The following FASTKD1 variants were observed in gnomAD, a reference collection of about 807,000 sequenced individuals.
FASTKD1 encodes FAST kinase domain-containing protein 1, mitochondrial.
Under a neutral mutation model 90.9 loss-of-function variants are expected in FASTKD1, and 94 were observed. The ratio of observed to expected loss-of-function variants is 1.03; its 90% confidence interval spans 0.88 to 1.23. The LOEUF is 1.23. FASTKD1 is among the 50% of genes most tolerant of loss of function. The pLI, the probability that FASTKD1 is intolerant of heterozygous loss-of-function variation, is 0.00. For synonymous variants in FASTKD1, 319 were observed against 345.8 expected, an observed-to-expected ratio of 0.92 and a Z score of 0.86; for missense variants, 945 against 993.5, an observed-to-expected ratio of 0.95 and a Z score of 0.66.
intron 3 of FASTKD1, among the ~76,000 whole-genome samples, chr2:169,565,005 AGTGCAATGGCGCGATCTCGGTT>A (rs1683893827): frequency 2.3e-5 from 3 of 129,018 alleles, no homozygotes; most frequent in African/African-American, 9.1e-5. Context: ...CCCAGGCTGG[AGTGCAATGGCGCGATCTCGGTT>A]CACTGCAACC....
At chr2:169,554,503 A>C (rs887943844) in intron 7 of FASTKD1, among the ~76,000 whole-genome samples, 1 of 113,334 alleles carries the variant, frequency 8.8e-6, no homozygotes, top group African/African-American at 3.0e-5. Context: ...ATCTCTACTA[A>C]AATTACAAAA....
At chr2:169,558,639 C>T (rs925934887) in intron 5 of FASTKD1, among the ~76,000 whole-genome samples, 5 of 151,796 alleles carry the variant, frequency 3.3e-5, no homozygotes, top group South Asian at 2.1e-4. Context: ...TTACTAGAAA[C>T]GGGGTTTCAC....
chr2:169,569,258 TA>T lies in FASTKD1; in HGVS notation c.378-7del, dbSNP rs1684129612. On this transcript the variant is annotated splice_region_variant and splice_polypyrimidine_tract_variant and intron_variant, in intron 2 of 14. Transcript: ENST00000453153. ...CATGGGCCTCACCAGCAAACCTTAA[TA>T]AAAAAGAAAGAATCCTCCATACATA... The T allele has an allele frequency of 6.2e-7, 1 of 1,613,268 alleles. No individual in the cohort carries two copies. Among genetic ancestry groups the T allele is most frequent in the Admixed American group, 1.7e-5 (1 of 59,942 alleles).
intron 7 of FASTKD1, among the ~76,000 whole-genome samples, chr2:169,552,992 A>C (rs1436169221): frequency 1.3e-5 from 2 of 152,086 alleles, no homozygotes; most frequent in African/African-American, 4.8e-5. Flanking sequence ...GGATCACTTG[A>C]GGTCAGGAGA....
intron 2 of FASTKD1, among the ~76,000 whole-genome samples, chr2:169,570,257 CCTTCATTCAGGGAACCCAG>C (rs1395231145): frequency 3.7e-4 from 56 of 152,160 alleles, no homozygotes; most frequent in Non-Finnish European, 6.8e-4. Flanking sequence ...ACTGCTGAAG[CCTTCATTCAGGGAACCCAG>C]TTCTTTTGAA....
chr2:169,546,437 G>C lies in FASTKD1; in HGVS notation c.1482C>G (p.Ser494Arg), dbSNP rs544410704. The part of the protein sequence containing the change: ...DHYGRQRLQH[S>R]NSLDLLRKEL... ...CCTTCCGTAACAGATCCAAACTGTT[G>C]CTGTGTTGTAGTCTCTGACGACCAT... is the stretch of plus-strand genomic sequence containing the variant. Residue 494 changes from serine to arginine, a missense_variant, in exon 8 of 15, where the codon AGC becomes AGG. By Grantham distance (110) the Ser-to-Arg change is moderately radical. Coordinates refer to ENST00000453153, the MANE Select transcript of FASTKD1 (RefSeq NM_024622.6). The C allele has an allele frequency of 1.2e-6, 2 of 1,613,996 alleles. No individual in the cohort carries two copies. Among genetic ancestry groups the C allele is most frequent in the African/African-American group, 1.3e-5 (1 of 74,912 alleles).
At chr2:169,568,835 C>T (rs1353861244) in intron 3 of FASTKD1, among the ~76,000 whole-genome samples, 1 of 151,562 alleles carries the variant, frequency 6.6e-6, no homozygotes, top group Non-Finnish European at 1.5e-5. Context: ...CCCATCTCTA[C>T]TAAAAATACA....
In FASTKD1 at chr2:169,563,235, G is replaced by A. The variant is rs1393538852; in HGVS notation, c.562C>T (p.Gln188Ter). 6.2e-7 allele frequency: 1 copy of A among 1,610,602 alleles called. No individual in the cohort carries two copies. The highest frequency in any genetic ancestry group is 8.5e-7 in the Non-Finnish European group (1 of 1,179,190). The change falls in exon 4 of 15, where the codon CAG becomes TAG. Residue 188 changes from glutamine to a stop codon, truncating the protein, a stop_gained. Coordinates refer to ENST00000453153, the MANE Select transcript of FASTKD1 (RefSeq NM_024622.6). LOFTEE classifies it high-confidence loss of function. ...CCTAAATAAATTTACCTTAAGTCCT[G>A]TGTGGTTTCCAAGTTCCTATGAACA... ...DIVHRNLETT[Q>*]DLSSLSVLMV...
At chr2:169,548,624 G>A (rs1174263810) in intron 7 of FASTKD1, among the ~76,000 whole-genome samples, 2 of 150,272 alleles carry the variant, frequency 1.3e-5, no homozygotes, top group African/African-American at 4.9e-5. Context: ...CCTAGCTACT[G>A]GGGAGGCTAA....
chr2:169,551,829 T>C (rs1178405007), intron 7 of FASTKD1, among the ~76,000 whole-genome samples: 2 of 152,162 alleles, frequency 1.3e-5, no homozygotes, highest in Non-Finnish European at 2.9e-5. Flanking sequence ...ATTCCATTTA[T>C]ATAAAGTATA....
intron 7 of FASTKD1, among the ~76,000 whole-genome samples, chr2:169,552,432 C>T (rs78047638): frequency 2.0e-5 from 3 of 152,204 alleles, no homozygotes; most frequent in Non-Finnish European, 2.9e-5. Context: ...TGTATGTTTA[C>T]AGCAGCACAA....
intron 1 of FASTKD1, chr2:169,573,190 A>C (rs779795253): frequency 4.6e-5 from 7 of 152,030 alleles, no homozygotes; most frequent in Non-Finnish European, 8.8e-5. Context: ...TATGCCAAAC[A>C]GTCTGTTCAC....
In FASTKD1 at chr2:169,533,748, ATGT is replaced by A. The variant is rs1311658129; in HGVS notation, c.2189-2261_2189-2259del. Among the ~76,000 whole-genome samples the A allele has an allele frequency of 1.2e-4, 19 of 152,370 alleles. No homozygotes were observed. In the East Asian group the frequency reaches 3.5e-3, roughly 28 times the overall value. On this transcript the variant is annotated intron_variant, in intron 12 of 14. Transcript: ENST00000453153. ...ATGAAATATGCAGTAACTAAAAAAG[ATGT>A]TGTATAAGCATATCTGTTGGCATAG...
intron 7 of FASTKD1, among the ~76,000 whole-genome samples, chr2:169,548,542 C>T (rs1277043212): frequency 6.6e-6 from 1 of 150,992 alleles, no homozygotes; most frequent in Non-Finnish European, 1.5e-5. Flanking sequence ...ACTAGCCTGG[C>T]CAACATAATG....
At chr2:169,555,915 T>G (rs1443286952) in intron 6 of FASTKD1, among the ~76,000 whole-genome samples, 1 of 152,170 alleles carries the variant, frequency 6.6e-6, no homozygotes, top group Non-Finnish European at 1.5e-5. Flanking sequence ...GAAACTTTCC[T>G]TTTGAAAATT....
At chr2:169,549,834 A>C (rs1163765574) in intron 7 of FASTKD1, among the ~76,000 whole-genome samples, 2 of 152,206 alleles carry the variant, frequency 1.3e-5, no homozygotes, top group Non-Finnish European at 2.9e-5. Context: ...GCAAGGGTGT[A>C]CTGATACAGG....
At chr2:169,553,508 T>A (rs1685592262) in intron 7 of FASTKD1, among the ~76,000 whole-genome samples, 1 of 152,214 alleles carries the variant, frequency 6.6e-6, no homozygotes, top group Non-Finnish European at 1.5e-5. Flanking sequence ...TAAATTCTCA[T>A]CTGATAACAT....
Position 169,531,504 on chromosome 2 carries a change from AG to A in FASTKD1, c.2189-15del, listed in dbSNP as rs545093606. 1.3e-5 allele frequency: 21 copies of A among 1,586,930 alleles called. No individual in the cohort carries two copies. The African/African-American group carries it at 2.7e-4, about 21-fold the overall frequency. ...TACACTCAAAATCTTAAGGAAGCATAGAAACTGGTAGTATGAATTAGGTAAA... is the reference window on the plus strand; with the variant it reads ...TACACTCAAAATCTTAAGGAAGCATAAAACTGGTAGTATGAATTAGGTAAA... On this transcript the variant is annotated splice_polypyrimidine_tract_variant and intron_variant, in intron 12 of 14. Transcript: ENST00000453153.
intron 10 of FASTKD1, among the ~76,000 whole-genome samples, chr2:169,539,641 T>G (rs1014352310): frequency 6.6e-6 from 1 of 151,890 alleles, no homozygotes; most frequent in Non-Finnish European, 1.5e-5. Context: ...GACACACGCC[T>G]GTGGTCCCAG....
Sources: gnomAD v4.1 joint callset for allele counts (sites outside exome capture counted in the v4.1 genomes callset) on GRCh38, gnomAD v4.1.1 for gene constraint, MANE v1.5 for transcripts, NCBI Gene and HGNC (gene_info 2026-07-23, HGNC 2026-07-21) for gene names.